GRIK1: variants seen among roughly 807,000 people sequenced by gnomAD.
GRIK1 encodes glutamate ionotropic receptor kainate type subunit 1.
Under a neutral mutation model 105.7 loss-of-function variants are expected in GRIK1, and 69 were observed. The observed-to-expected ratio is 0.65, with a 90% CI of 0.54 to 0.80. The LOEUF is 0.80. Among genes scored for constraint, GRIK1 ranks in the 30% least tolerant of loss-of-function variants. The pLI, the probability that GRIK1 is intolerant of heterozygous loss-of-function variation, is 0.00. For missense variants in GRIK1, 1,109 were observed against 1,167.3 expected (o/e 0.95, Z 0.73); for synonymous variants, 438 against 431.3 (o/e 1.02, Z -0.19).
At chr21:29,588,732 A>C (rs2061284702) in intron 11 of GRIK1, 107 bp downstream of exon 11, 1 of 713,558 alleles carries the variant, frequency 1.4e-6, no homozygotes. Flanking sequence ...CTTCTTAAAA[A>C]AATTGTTACG....
chr21:29,850,693 G>C (rs763274853), intron 1 of GRIK1, among the ~76,000 whole-genome samples: 1 of 152,126 alleles, frequency 6.6e-6, no homozygotes, highest in Non-Finnish European at 1.5e-5. Flanking sequence ...AATGTACCAG[G>C]CACATAAATT....
At chr21:29,904,317 TG>T (rs1164384005) in intron 1 of GRIK1, among the ~76,000 whole-genome samples, 2 of 141,884 alleles carry the variant, frequency 1.4e-5, no homozygotes, top group Non-Finnish European at 3.0e-5. Context: ...CACTTTTTTT[TG>T]GGAAAAAAAA....
chr21:29,910,829 G>A (rs2070789622), intron 1 of GRIK1, among the ~76,000 whole-genome samples: 1 of 151,856 alleles, frequency 6.6e-6, no homozygotes. Context: ...AATATAGAAT[G>A]CTGTTTTTCT....
intron 1 of GRIK1, among the ~76,000 whole-genome samples, chr21:29,714,328 TAA>T (rs1487725712): frequency 2.6e-5 from 4 of 152,152 alleles, no homozygotes; most frequent in Admixed American, 2.6e-4. Context: ...AATGCTATAA[TAA>T]AACTAAAAAA....
chr21:29,897,316 T>C (rs566829344), intron 1 of GRIK1, among the ~76,000 whole-genome samples: 15 of 152,308 alleles, frequency 9.8e-5, no homozygotes, highest in African/African-American at 3.4e-4. Flanking sequence ...CAGTAAAGCA[T>C]GCCTGCAAAT....
intron 4 of GRIK1, among the ~76,000 whole-genome samples, chr21:29,662,564 C>A (rs978251015): frequency 6.6e-6 from 1 of 152,102 alleles, no homozygotes; most frequent in African/African-American, 2.4e-5. Flanking sequence ...CAACAAGCTT[C>A]TTTGATAATG....
At chr21:29,678,574 A>G (rs1287741209) in intron 3 of GRIK1, among the ~76,000 whole-genome samples, 1 of 152,192 alleles carries the variant, frequency 6.6e-6, no homozygotes, top group Non-Finnish European at 1.5e-5. Flanking sequence ...CATAGTTCTG[A>G]ATATTTAAGT....
rs748327047 is a variant in GRIK1, at chr21:29,867,886, AAG to A, written c.118+71495_118+71496del. 3.5e-4 allele frequency among the ~76,000 whole-genome samples: 45 copies of A among 129,106 alleles called. 1 individual carries two copies. The highest frequency in any genetic ancestry group is 1.3e-3 in the East Asian group (5 of 3,738). The allele number at this position is 129,106 out of a possible 152,430, so 84.7% of individuals were successfully genotyped here. ...AGAGAGAAAGAGAGAAAGAGAGAGA[AAG>A]AGAGAGAGAGAGAGAAAGAAAGAGA... On this transcript the variant is annotated intron_variant, in intron 1 of 17. Transcript: ENST00000327783.
intron 1 of GRIK1, among the ~76,000 whole-genome samples, chr21:29,936,109 T>C (rs2832494): frequency 0.68 from 103,879 of 151,988 alleles, 35,722 homozygotes; most frequent in East Asian, 0.83. Flanking sequence ...ACTCACTCAT[T>C]GATGTATCTA....
intron 1 of GRIK1, among the ~76,000 whole-genome samples, chr21:29,723,355 A>G (rs749977313): frequency 2.0e-5 from 3 of 152,250 alleles, no homozygotes; most frequent in Non-Finnish European, 4.4e-5. Context: ...AATTATTACA[A>G]CTATTTTTAA....
At chr21:29,700,738 A>G (rs2063796355) in intron 1 of GRIK1, among the ~76,000 whole-genome samples, 1 of 152,138 alleles carries the variant, frequency 6.6e-6, no homozygotes, top group Admixed American at 6.5e-5. Flanking sequence ...CCTTAAAGGG[A>G]GGCAATTCCA....
At chr21:29,753,422 T>G (rs2065254895) in intron 1 of GRIK1, among the ~76,000 whole-genome samples, 1 of 152,212 alleles carries the variant, frequency 6.6e-6, no homozygotes, top group African/African-American at 2.4e-5. Flanking sequence ...TGAAATATCT[T>G]AGAGGCAAAT....
At chr21:29,591,557 T>C (rs141295733) in intron 9 of GRIK1, among the ~76,000 whole-genome samples, 80 of 152,324 alleles carry the variant, frequency 5.3e-4, no homozygotes, top group African/African-American at 1.9e-3. Context: ...TTGCTGAGCA[T>C]CTATTTATGT....
rs1491439139 is a variant in GRIK1, at chr21:29,560,557, T to TC, written c.2356+1066_2356+1067insG. ...CTTTCTTTCTTTCTTTCTTTCTTTC[T>TC]TTCTTTCTTTCTTTCTTTCTCTCTT... is the stretch of plus-strand genomic sequence containing the variant. On this transcript the variant is annotated intron_variant, in intron 15 of 17. Coordinates refer to ENST00000327783, the MANE Select transcript of GRIK1 (RefSeq NM_001330994.2). Among the ~76,000 whole-genome samples, 10 of 125,396 alleles carry TC rather than the reference T, an allele frequency of 8.0e-5. 1 individual carries two copies. Among genetic ancestry groups the TC allele is most frequent in the African/African-American group, 3.4e-4 (10 of 29,166 alleles). 82.3% of individuals were successfully genotyped at this position (125,396 alleles called of 152,430 possible).
At chr21:29,598,721 C>A in intron 8 of GRIK1, 109 bp downstream of exon 8, 1 of 537,182 alleles carries the variant, frequency 1.9e-6, no homozygotes, top group South Asian at 3.1e-5. Context: ...TGTAAAAGAA[C>A]ATGCTTAGAG....
At chr21:29,542,519 AT>A (rs1185049749) in intron 16 of GRIK1, among the ~76,000 whole-genome samples, 3 of 152,174 alleles carry the variant, frequency 2.0e-5, no homozygotes, top group African/African-American at 4.8e-5. Context: ...GAAAATAACA[AT>A]TTTTTTAAGT....
intron 1 of GRIK1, among the ~76,000 whole-genome samples, chr21:29,867,756 T>C (rs2068846900): frequency 6.7e-6 from 1 of 148,500 alleles, no homozygotes; most frequent in Admixed American, 6.7e-5. Flanking sequence ...ATCATGCCAC[T>C]GCGCTCCAGC....
At chr21:29,805,904 A>C (rs1310367131) in intron 1 of GRIK1, among the ~76,000 whole-genome samples, 1 of 152,170 alleles carries the variant, frequency 6.6e-6, no homozygotes, top group Non-Finnish European at 1.5e-5. Flanking sequence ...TCTCTGCATC[A>C]TAAATCAGCA....
At chr21:29,645,909 TCTC>T (rs1208169966) in intron 6 of GRIK1, among the ~76,000 whole-genome samples, 2 of 152,282 alleles carry the variant, frequency 1.3e-5, no homozygotes, top group African/African-American at 4.8e-5. Flanking sequence ...AAAGCATACT[TCTC>T]CTCAGTACAC....
Sources: gnomAD v4.1 joint callset for allele counts (sites outside exome capture counted in the v4.1 genomes callset) on GRCh38, gnomAD v4.1.1 for gene constraint, MANE v1.5 for transcripts, NCBI Gene and HGNC (gene_info 2026-07-23, HGNC 2026-07-21) for gene names.